Variants in ITSN2 observed in about 807,000 individuals in gnomAD.
ITSN2 encodes intersectin-2.
A neutral mutation model predicts 243.7 loss-of-function variants in ITSN2; 156 were observed. The observed-to-expected ratio is 0.64, with a 90% CI of 0.56 to 0.73. ITSN2 has a LOEUF of 0.73. Ranked by LOEUF, ITSN2 falls within the 30% of genes least tolerant of loss-of-function variation. The probability of loss-of-function intolerance (pLI) is 0.00; values close to 1 mark genes in which losing one functional copy is unlikely to be tolerated. For missense variants in ITSN2, 1,801 were observed against 1,996.1 expected (o/e 0.90, Z 1.86); for synonymous variants, 703 against 699.9 (o/e 1.00, Z -0.07).
At chr2:24,314,653 T>C (rs4665685) in intron 3 of ITSN2, among the ~76,000 whole-genome samples, 2,743 of 152,254 alleles carry the variant, frequency 0.018, 290 homozygotes, top group Admixed American at 0.17. Flanking sequence ...AAAAGTTTAA[T>C]TAATAGAAAA....
intron 29 of ITSN2, among the ~76,000 whole-genome samples, chr2:24,238,656 GATT>G (rs1338484286): frequency 6.6e-6 from 1 of 152,136 alleles, no homozygotes; most frequent in Admixed American, 6.5e-5. Flanking sequence ...TATTACCCTA[GATT>G]ATGTTTTCCT....
At chr2:24,226,572 C>G (rs1241364789) in intron 29 of ITSN2, among the ~76,000 whole-genome samples, 1 of 152,166 alleles carries the variant, frequency 6.6e-6, no homozygotes, top group Non-Finnish European at 1.5e-5. Flanking sequence ...GGGCAGATCA[C>G]TTGAGGTCAG....
rs1677232616 is a variant in ITSN2 at position 24,270,728 on chromosome 2, G to T, written c.2298C>A (p.Tyr766Ter). Residue 766 changes from tyrosine to a stop codon, truncating the protein, a stop_gained, in exon 20 of 40, where the codon TAC (tyrosine) becomes TAA (stop). Coordinates refer to ENST00000355123, the MANE Select transcript of ITSN2 (RefSeq NM_006277.3). LOFTEE classifies it high-confidence loss of function. ...ASVLVNYRAL[Y>*]PFEARNHDEM... ...CATCATGGTTCCTTGCTTCAAAGGG[G>T]TATAATGCTCTATAATTCACCAAAA... 1 of 1,601,674 alleles carries T rather than the reference G, an allele frequency of 6.2e-7. No individual in the cohort carries two copies. Among genetic ancestry groups the T allele is most frequent in the Non-Finnish European group, 8.5e-7 (1 of 1,170,326 alleles).
At position 24,286,650 on chromosome 2, in the gene ITSN2, C is replaced by G. The variant is rs115980390; in HGVS notation, c.1724-299G>C. 6.6e-5 allele frequency among the ~76,000 whole-genome samples: 10 copies of G among 152,308 alleles called. 1 individual carries two copies. In the South Asian group the frequency reaches 2.1e-3, roughly 32 times the overall value. ...CCAATCGAATCCTCAGGCTTTTCATCTATACAATGAGCATCATGCTACATT... is the reference window on the plus strand; with the variant it reads ...CCAATCGAATCCTCAGGCTTTTCATGTATACAATGAGCATCATGCTACATT... On this transcript the variant is annotated intron_variant, in intron 15 of 39. Transcript: ENST00000355123.
rs1263801948 is a variant in ITSN2, at chr2:24,203,714, G to C, written c.5006C>G (p.Thr1669Ser). 6.2e-7 allele frequency: 1 copy of C among 1,614,058 alleles called. No homozygotes were observed. Among genetic ancestry groups the C allele is most frequent in the African/African-American group, 1.3e-5 (1 of 74,924 alleles). Residue 1669 changes from threonine to serine, a missense_variant, in exon 40 of 40, where the codon ACC (threonine) becomes AGC (serine). Physicochemically the swap from Thr to Ser is moderately conservative, Grantham distance 58. This residue lies in a region of ITSN2 where 928 missense variants were observed against 1,065.4 expected (regional missense o/e 0.87). Coordinates refer to ENST00000355123, the MANE Select transcript of ITSN2 (RefSeq NM_006277.3). ...GACCTCATGCAGCAGCAGTCGGCGGGTCATAGGGCCTTTGCTTTCCTGTTC... is the reference window on the plus strand; with the variant it reads ...GACCTCATGCAGCAGCAGTCGGCGGCTCATAGGGCCTTTGCTTTCCTGTTC... ...RTEQESKGPM[T>S]RRLLLHEVPT... is the part of the protein sequence containing the mutation.
chr2:24,356,599 C>T (rs1433363906), intron 1 of ITSN2, among the ~76,000 whole-genome samples: 1 of 152,018 alleles, frequency 6.6e-6, no homozygotes, highest in African/African-American at 2.4e-5. Flanking sequence ...CATCACTGAT[C>T]ATCAGAGAAC....
At chr2:24,302,214 T>C (rs1390650221) in intron 9 of ITSN2, 112 bp from the exon 10 acceptor site, 3 of 579,942 alleles carry the variant, frequency 5.2e-6, no homozygotes, top group Admixed American at 8.9e-5. Context: ...TATTTATTTA[T>C]TTGAGATGGA....
At position 24,203,004 on chromosome 2, in the gene ITSN2, A is replaced by G. The variant is rs1174589961; in HGVS notation, c.*622T>C. The G allele has an allele frequency of 6.5e-6, 1 of 152,680 alleles. No homozygotes were observed. Among genetic ancestry groups the G allele is most frequent in the Non-Finnish European group, 1.5e-5 (1 of 68,044 alleles). The allele number at this position is 152,680 out of a possible 1,614,324, so 9.5% of individuals were successfully genotyped here. ...TACTTCAGAAAATTAAAGTTGAAAA[A>G]TATTTTCCACATTATTAGAGTTCAC... On this transcript the variant is annotated 3_prime_UTR_variant, in exon 40 of 40. Transcript: ENST00000355123.
chr2:24,254,581 T>G, intron 23 of ITSN2, 150 bp from the exon 24 acceptor site: 1 of 508,382 alleles, frequency 2.0e-6, no homozygotes, highest in Non-Finnish European at 3.5e-6. Flanking sequence ...TGGGAAGACT[T>G]ATACACAACA....
rs1669413509 is a variant in ITSN2, at chr2:24,210,800, G to A, written c.4237C>T (p.Gln1413Ter). 1 of 1,613,842 alleles carries A rather than the reference G, an allele frequency of 6.2e-7. No individual in the cohort carries two copies. The highest frequency in any genetic ancestry group is 1.3e-5 in the African/African-American group (1 of 74,904). Residue 1413 changes from glutamine to a stop codon, truncating the protein, a stop_gained, in exon 34 of 40, where the codon CAG (glutamine) becomes TAG (stop). Transcript: ENST00000355123. LOFTEE classifies it high-confidence loss of function. ...DRLEWIQAHV[Q>*]CEGLAEQLIF... is the part of the protein sequence containing the mutation. Reference sequence around the variant, plus strand: ...CTGACCTCCGCGAGGCCTTCACACTGCACGTGCGCCTGGATCCACTCCAGT... The same window carrying A: ...CTGACCTCCGCGAGGCCTTCACACTACACGTGCGCCTGGATCCACTCCAGT...
intron 25 of ITSN2, among the ~76,000 whole-genome samples, chr2:24,251,995 A>G (rs1674391965): frequency 6.6e-6 from 1 of 152,194 alleles, no homozygotes; most frequent in Non-Finnish European, 1.5e-5. Context: ...TTACAGTCTT[A>G]AAGTGAAAAT....
At position 24,204,849 on chromosome 2, in the gene ITSN2, G is replaced by C; in HGVS notation, c.4762+365C>G. 2.4e-6 allele frequency: 1 copy of C among 413,732 alleles called. No homozygotes were observed. The allele number at this position is 413,732 out of a possible 1,614,324, so 25.6% of individuals were successfully genotyped here. A position where few individuals can be genotyped will look rare whatever the true frequency, so the allele number is the denominator to read the frequency against. On this transcript the variant is annotated intron_variant, in intron 38 of 39. Transcript: ENST00000355123. The surrounding 1 kb of genome is among the most constrained non-coding windows in gnomAD (Gnocchi z 5.1). The stretch of plus-strand genomic sequence containing the variant: ...TATTCAGTGTTCAGAAGAGTCATCA[G>C]TGGCTGGGCGCAGTGGCACTTTGTC...
intron 9 of ITSN2, 56 bp downstream of exon 9, chr2:24,303,743 T>A: frequency 2.8e-6 from 3 of 1,086,562 alleles, no homozygotes; most frequent in Non-Finnish European, 4.3e-6. Context: ...GGAGAGAGAG[T>A]TTAATTAATT....
At chr2:24,324,410 A>G (rs1178071923) in intron 2 of ITSN2, among the ~76,000 whole-genome samples, 2 of 151,962 alleles carry the variant, frequency 1.3e-5, no homozygotes, top group Non-Finnish European at 2.9e-5. Flanking sequence ...TTTCTTATAT[A>G]TATTACTATC....
chr2:24,288,792 T>C (rs1220792194), intron 15 of ITSN2, among the ~76,000 whole-genome samples: 1 of 152,200 alleles, frequency 6.6e-6, no homozygotes, highest in Non-Finnish European at 1.5e-5. Flanking sequence ...AACTGAAATG[T>C]TGATTTCCTT....
intron 33 of ITSN2, among the ~76,000 whole-genome samples, chr2:24,212,182 A>C (rs879593954): frequency 6.6e-6 from 1 of 152,208 alleles, no homozygotes; most frequent in Non-Finnish European, 1.5e-5. Context: ...GAGGGACACA[A>C]ATGAACTCTA....
chr2:24,219,954 A>C (rs1442999258), intron 30 of ITSN2, among the ~76,000 whole-genome samples: 1 of 152,228 alleles, frequency 6.6e-6, no homozygotes, highest in African/African-American at 2.4e-5. Flanking sequence ...ACACAGGATG[A>C]AGGCTGCACG....
At position 24,225,169 on chromosome 2, in the gene ITSN2, C is replaced by T. The variant is rs529654712; in HGVS notation, c.3578-4103G>A. 6.6e-6 allele frequency among the ~76,000 whole-genome samples: 1 copy of T among 152,220 alleles called. No individual in the cohort carries two copies. The highest frequency in any genetic ancestry group is 1.5e-5 in the Non-Finnish European group (1 of 68,012). Reference sequence around the variant, plus strand: ...CCAGGGCCCCTCCCTTTCCTTCACGCTTCTATGTTCACTCTTCGCCATTTC... The same window carrying T: ...CCAGGGCCCCTCCCTTTCCTTCACGTTTCTATGTTCACTCTTCGCCATTTC... On this transcript the variant is annotated intron_variant, in intron 29 of 39. Coordinates refer to ENST00000355123, the MANE Select transcript of ITSN2 (RefSeq NM_006277.3). The surrounding 1 kb of genome is among the most constrained non-coding windows in gnomAD (Gnocchi z 4.2).
intron 1 of ITSN2, among the ~76,000 whole-genome samples, chr2:24,345,594 T>C (rs2702126): frequency 0.98 from 148,901 of 152,260 alleles, 72,805 homozygotes; most frequent in East Asian, 0.99. Flanking sequence ...AATACTCTCA[T>C]TGTAAAAACT....
Sources: allele counts gnomAD v4.1 joint callset (sites outside exome capture counted in the v4.1 genomes callset), GRCh38; gene constraint gnomAD v4.1.1; regional missense constraint gnomAD v4.1.1; non-coding constraint Gnocchi (gnomAD v3.1); transcripts MANE v1.5; gene names NCBI Gene and HGNC (gene_info 2026-07-23, HGNC 2026-07-21).